Variants in ATRNL1 observed in about 807,000 individuals in gnomAD.
ATRNL1 encodes attractin like 1.
In ATRNL1, 95 loss-of-function variants were observed where a neutral mutation model predicts 182.7. The ratio of observed to expected loss-of-function variants is 0.52; its 90% confidence interval spans 0.44 to 0.62. The LOEUF is 0.62. ATRNL1 is among the 20% of genes least tolerant of loss of function. The pLI is 0.00. For missense variants in ATRNL1, 1,471 were observed against 1,679.5 expected, an observed-to-expected ratio of 0.88 and a Z score of 2.17; for synonymous variants, 576 against 568.3, an observed-to-expected ratio of 1.01 and a Z score of -0.19.
intron 1 of ATRNL1, among the ~76,000 whole-genome samples, chr10:115,098,230 G>A (rs1159018268): frequency 1.3e-5 from 2 of 152,058 alleles, no homozygotes; most frequent in African/African-American, 2.4e-5. Context: ...AAGCATAGTA[G>A]CATGGTTTTC....
At chr10:115,111,383 G>A (rs1844250135) in intron 1 of ATRNL1, among the ~76,000 whole-genome samples, 1 of 152,190 alleles carries the variant, frequency 6.6e-6, no homozygotes, top group African/African-American at 2.4e-5. Flanking sequence ...GCTGGATAAT[G>A]TGTAAGGAAA....
chr10:115,581,402 A>T (rs1052491993), intron 26 of ATRNL1, among the ~76,000 whole-genome samples: 1 of 152,122 alleles, frequency 6.6e-6, no homozygotes. Context: ...CTCTTACTCA[A>T]TCTGCACTAA....
intron 8 of ATRNL1, among the ~76,000 whole-genome samples, chr10:115,174,749 T>A (rs2144115842): frequency 6.6e-6 from 1 of 152,110 alleles, no homozygotes; most frequent in African/African-American, 2.4e-5. Context: ...GGTGGTGGGC[T>A]AGATTTAGCC....
chr10:115,793,143 G>A (rs1414225825), intron 27 of ATRNL1, among the ~76,000 whole-genome samples: 1 of 152,002 alleles, frequency 6.6e-6, no homozygotes, highest in Non-Finnish European at 1.5e-5. Context: ...ATTATGAAAA[G>A]AAAGTCTTGT....
intron 27 of ATRNL1, among the ~76,000 whole-genome samples, chr10:115,826,932 G>T: frequency 6.6e-6 from 1 of 152,178 alleles, no homozygotes; most frequent in East Asian, 1.9e-4. Context: ...AGACTTCAGA[G>T]GATCCTTGGC....
chr10:115,126,667 A>G (rs1554873615), intron 3 of ATRNL1, among the ~76,000 whole-genome samples: 1 of 152,180 alleles, frequency 6.6e-6, no homozygotes, highest in Non-Finnish European at 1.5e-5. Flanking sequence ...TGACTATAAT[A>G]TTTCATTTAT....
chr10:115,241,509 A>T, intron 9 of ATRNL1, 62 bp from the exon 10 acceptor site: 1 of 1,155,414 alleles, frequency 8.7e-7, no homozygotes, highest in Non-Finnish European at 1.2e-6. Context: ...TTTATATAAC[A>T]TATATAAAAT....
chr10:115,873,431 AAG>A (rs1463674790), intron 28 of ATRNL1, among the ~76,000 whole-genome samples: 30 of 152,342 alleles, frequency 2.0e-4, no homozygotes, highest in African/African-American at 6.7e-4. Flanking sequence ...GTATGATTTT[AAG>A]AGTTATGCCT....
At chr10:115,149,606 T>C (rs1224941596) in intron 5 of ATRNL1, among the ~76,000 whole-genome samples, 1 of 152,214 alleles carries the variant, frequency 6.6e-6, no homozygotes, top group African/African-American at 2.4e-5. Flanking sequence ...AATATGGTTT[T>C]TGTTCTTCAT....
chr10:115,589,160 CTT>C (rs1175634622), intron 26 of ATRNL1, among the ~76,000 whole-genome samples: 17 of 152,046 alleles, frequency 1.1e-4, no homozygotes, highest in African/African-American at 4.1e-4. Context: ...TATAATTAGA[CTT>C]TGACTATAAC....
intron 27 of ATRNL1, among the ~76,000 whole-genome samples, chr10:115,799,926 A>G (rs1182339951): frequency 6.6e-6 from 1 of 151,988 alleles, no homozygotes; most frequent in African/African-American, 2.4e-5. Context: ...TTCTTCTTTT[A>G]GTAAAGAATC....
At position 115,429,735 on chromosome 10, in the gene ATRNL1, A is replaced by AT. The variant is rs1233738513; in HGVS notation, c.3322+3439dup. 4.6e-5 allele frequency among the ~76,000 whole-genome samples: 7 copies of AT among 152,028 alleles called. No individual in the cohort carries two copies. In the South Asian group the frequency reaches 1.0e-3, roughly 23 times the overall value. On this transcript the variant is annotated intron_variant, in intron 21 of 28. Coordinates refer to ENST00000355044, the MANE Select transcript of ATRNL1 (RefSeq NM_207303.4). The stretch of plus-strand genomic sequence containing the variant: ...GAAGACGATCTCTTTTTTGAATGTT[A>AT]TTTTTTCTGACTAAATGACCTATGA...
chr10:115,678,735 G>A (rs531910643), intron 26 of ATRNL1, among the ~76,000 whole-genome samples: 1 of 152,164 alleles, frequency 6.6e-6, no homozygotes, highest in South Asian at 2.1e-4. Context: ...TATCATTTCT[G>A]TCACTAAAGG....
intron 24 of ATRNL1, among the ~76,000 whole-genome samples, chr10:115,478,687 A>G (rs918723944): frequency 1.3e-5 from 2 of 151,710 alleles, no homozygotes; most frequent in African/African-American, 2.4e-5. Flanking sequence ...AGGCTTTAAC[A>G]TATATTGTAT....
At chr10:115,530,661 G>A (rs946755759) in intron 25 of ATRNL1, among the ~76,000 whole-genome samples, 1 of 151,914 alleles carries the variant, frequency 6.6e-6, no homozygotes, top group Non-Finnish European at 1.5e-5. Context: ...AAGTTTTAGG[G>A]TACACGTGCA....
chr10:115,559,140 A>G (rs538455678), intron 26 of ATRNL1, among the ~76,000 whole-genome samples: 1 of 152,214 alleles, frequency 6.6e-6, no homozygotes, highest in East Asian at 1.9e-4. Context: ...CACCCTGCTC[A>G]TGAAGCAGGA....
chr10:115,942,153 C>A (rs1555124449), intron 28 of ATRNL1, among the ~76,000 whole-genome samples: 1 of 152,212 alleles, frequency 6.6e-6, no homozygotes, highest in Non-Finnish European at 1.5e-5. Context: ...GTATCCAAGG[C>A]TCCCTTTTCC....
At chr10:115,541,734 A>C (rs1334866307) in intron 25 of ATRNL1, among the ~76,000 whole-genome samples, 2 of 152,228 alleles carry the variant, frequency 1.3e-5, no homozygotes, top group Non-Finnish European at 2.9e-5. Context: ...ACAGAAACAA[A>C]AAAAATACTA....
At position 115,948,398 on chromosome 10, in the gene ATRNL1, A is replaced by G. The variant is rs370369996; in HGVS notation, c.*3619A>G. The stretch of plus-strand genomic sequence containing the variant: ...TGTAAAATGAAAACTGACCAAATGA[A>G]CTAATTCTACCCACCTATGGTCTTT... On this transcript the variant is annotated 3_prime_UTR_variant, in exon 29 of 29. Coordinates refer to ENST00000355044, the MANE Select transcript of ATRNL1 (RefSeq NM_207303.4). The G allele has an allele frequency of 2.0e-5, 3 of 152,364 alleles. No homozygotes were observed. Among genetic ancestry groups the G allele is most frequent in the East Asian group, 3.9e-4 (2 of 5,192 alleles). 9.4% of individuals were successfully genotyped at this position (152,364 alleles called of 1,614,324 possible).
Sources: allele counts gnomAD v4.1 joint callset (sites outside exome capture counted in the v4.1 genomes callset), GRCh38; gene constraint gnomAD v4.1.1; transcripts MANE v1.5; gene names NCBI Gene and HGNC (gene_info 2026-07-23, HGNC 2026-07-21).